Variants in C6 observed in about 807,000 individuals in gnomAD.
C6 encodes the protein complement C6, also known as complement component C6.
In C6, 101 loss-of-function variants were observed where a neutral mutation model predicts 112.9. That is an observed-to-expected ratio of 0.89 (90% CI 0.76 to 1.06). The LOEUF (loss-of-function observed/expected upper bound fraction) is 1.06, where lower values mean the gene tolerates loss of function less well. C6 is among the 50% of genes least tolerant of loss of function. The pLI is 0.00. For synonymous variants in C6, 431 were observed against 384.1 expected, an observed-to-expected ratio of 1.12 and a Z score of -1.43; for missense variants, 1,202 against 1,104.6, an observed-to-expected ratio of 1.09 and a Z score of -1.25.
At chr5:41,150,547 G>T (rs1746289165) in intron 15 of C6, among the ~76,000 whole-genome samples, 1 of 152,112 alleles carries the variant, frequency 6.6e-6, no homozygotes, top group Non-Finnish European at 1.5e-5. Context: ...AATGAAGAAA[G>T]GTGAGGCTGT....
intron 15 of C6, 147 bp from the exon 16 acceptor site, chr5:41,150,172 T>G: frequency 1.5e-6 from 1 of 663,408 alleles, no homozygotes; most frequent in South Asian, 1.6e-5. Context: ...AAATACATTG[T>G]CATTAAATAT....
intron 9 of C6, among the ~76,000 whole-genome samples, chr5:41,166,973 CT>C (rs1748030031): frequency 6.6e-6 from 1 of 152,054 alleles, no homozygotes; most frequent in Non-Finnish European, 1.5e-5. Context: ...GTTCTCATTG[CT>C]TCATCTTTGC....
intron 4 of C6, among the ~76,000 whole-genome samples, chr5:41,197,680 T>TA (rs1750714205): frequency 6.6e-6 from 1 of 152,078 alleles, no homozygotes. Flanking sequence ...AGGGATATCT[T>TA]AGAGAGTCCA....
chr5:41,148,233 A>G (rs529500402), intron 17 of C6, among the ~76,000 whole-genome samples: 7 of 152,320 alleles, frequency 4.6e-5, no homozygotes, highest in Admixed American at 3.3e-4. Context: ...GGTTAAATAA[A>G]TCATAGAATA....
At chr5:41,163,212 T>C (rs898749578) in intron 9 of C6, among the ~76,000 whole-genome samples, 5 of 151,382 alleles carry the variant, frequency 3.3e-5, no homozygotes, top group Admixed American at 6.6e-5. Flanking sequence ...ACTTATACAA[T>C]CTTCTCAGAA....
chr5:41,159,992 G>GACTCAC, intron 11 of C6, 150 bp downstream of exon 11: 2 of 687,022 alleles, frequency 2.9e-6, no homozygotes, highest in Middle Eastern at 3.9e-4. Context: ...TTACAGCTGA[G>GACTCAC]ACTCACACTT....
chr5:41,228,420 C>T (rs1175520851), intron 1 of C6, among the ~76,000 whole-genome samples: 1 of 152,020 alleles, frequency 6.6e-6, no homozygotes, highest in East Asian at 1.9e-4. Flanking sequence ...AGACAGTTTA[C>T]CTTCCTTTCC....
At chr5:41,206,403 A>G (rs997283473) in intron 1 of C6, among the ~76,000 whole-genome samples, 1 of 152,248 alleles carries the variant, frequency 6.6e-6, no homozygotes, top group Non-Finnish European at 1.5e-5. Flanking sequence ...AAGGCTTCAG[A>G]CGATTGGTAA....
At chr5:41,229,004 A>C (rs1377670793) in intron 1 of C6, among the ~76,000 whole-genome samples, 3 of 152,020 alleles carry the variant, frequency 2.0e-5, no homozygotes, top group African/African-American at 7.2e-5. Flanking sequence ...CTAGCTATTT[A>C]TTTGGGAGGC....
intron 17 of C6, among the ~76,000 whole-genome samples, chr5:41,146,152 G>T (rs183686355): frequency 4.6e-5 from 7 of 152,280 alleles, no homozygotes; most frequent in African/African-American, 9.6e-5. Flanking sequence ...GCTGCTAAAT[G>T]GATGTTGGCT....
chr5:41,222,591 T>C (rs573476847), intron 1 of C6, among the ~76,000 whole-genome samples: 1 of 152,144 alleles, frequency 6.6e-6, no homozygotes, highest in East Asian at 1.9e-4. Flanking sequence ...GTTTGAAGAG[T>C]TAATTTAAAC....
chr5:41,243,402 T>C (rs1740845517), intron 1 of C6, among the ~76,000 whole-genome samples: 1 of 152,250 alleles, frequency 6.6e-6, no homozygotes, highest in Non-Finnish European at 1.5e-5. Flanking sequence ...AATAATTGTT[T>C]ACTTAGTGAT....
intron 1 of C6, among the ~76,000 whole-genome samples, chr5:41,227,357 C>T (rs1027161584): frequency 2.6e-5 from 4 of 151,826 alleles, no homozygotes; most frequent in African/African-American, 9.7e-5. Flanking sequence ...CATATAAACT[C>T]TTCATCAGAC....
intron 17 of C6, among the ~76,000 whole-genome samples, chr5:41,146,921 C>T (rs556389873): frequency 4.6e-4 from 67 of 144,834 alleles, no homozygotes; most frequent in African/African-American, 1.6e-3. Context: ...GGGAAGATAG[C>T]AAAAAAAAAA....
Position 41,176,486 on chromosome 5 carries a change from A to C in C6, c.1157T>G (p.Leu386Arg). 1 of 1,613,426 alleles carries C rather than the reference A, an allele frequency of 6.2e-7. No homozygotes were observed. The highest frequency in any genetic ancestry group is 8.5e-7 in the Non-Finnish European group (1 of 1,179,498). The change falls in exon 8 of 18, where the codon CTA (leucine) becomes CGA (arginine). Residue 386 changes from leucine to arginine, a missense_variant. Transcript: ENST00000337836. ...CTGAAGAAAGTTACCTGAGTTCTTT[A>C]GTTCCTCACTGCTAAACTGATAGAG... ...DLLYQFSSEE[L>R]KNSGLTEEEA...
chr5:41,258,612 G>C (rs1741858289), intron 1 of C6, among the ~76,000 whole-genome samples: 1 of 152,160 alleles, frequency 6.6e-6, no homozygotes, highest in Non-Finnish European at 1.5e-5. Flanking sequence ...GTCTTAGAGG[G>C]AAAGACCTGT....
Position 41,201,674 on chromosome 5 carries a change from C to A in C6, c.184G>T (p.Glu62Ter), listed in dbSNP as rs1200413462. 3 of 1,613,514 alleles carry A rather than the reference C, an allele frequency of 1.9e-6. No homozygotes were observed. The highest frequency in any genetic ancestry group is 2.5e-6 in the Non-Finnish European group (3 of 1,179,876). The change falls in exon 3 of 18, where the codon GAA becomes TAA. Residue 62 changes from glutamate (E) to a stop codon, truncating the protein, a stop_gained. Transcript: ENST00000337836. LOFTEE classifies it high-confidence loss of function. ...VDKYYQENFC[E>*]QICSKQETRE... ...GTCTCCTGCTTGCTGCAAATCTGTT[C>A]ACAAAAGTTTTCCTGGTAGTACTTA...
Position 41,173,151 on chromosome 5 carries a change from T to C in C6, c.1169-804A>G, listed in dbSNP as rs372129717. Among the ~76,000 whole-genome samples, 13 of 152,332 alleles carry C rather than the reference T, an allele frequency of 8.5e-5. No individual in the cohort carries two copies. In the East Asian group the frequency reaches 1.5e-3, roughly 18 times the overall value. On this transcript the variant is annotated intron_variant, in intron 8 of 17. Transcript: ENST00000337836. Reference sequence around the variant, plus strand: ...ATGGGAATTGGGAATGATATCTTCCTAGTTTCTCACTGCTGCTTTCATTGG... The same window carrying C: ...ATGGGAATTGGGAATGATATCTTCCCAGTTTCTCACTGCTGCTTTCATTGG...
In C6 at chr5:41,176,568, C is replaced by T. The variant is rs373781885; in HGVS notation, c.1075G>A (p.Asp359Asn). 9.0e-5 allele frequency: 146 copies of T among 1,613,840 alleles called. No individual in the cohort carries two copies. Among genetic ancestry groups the T allele is most frequent in the Admixed American group, 7.5e-4 (45 of 60,004 alleles). Residue 359 changes from aspartate (D) to asparagine (N), a missense_variant, in exon 8 of 18, where the codon GAT (aspartate) becomes AAT (asparagine). Coordinates refer to ENST00000337836, the MANE Select transcript of C6 (RefSeq NM_000065.5). ...YNSALYSRIFDDFGTHYFTSG... is the reference protein window; with the variant it reads ...YNSALYSRIFNDFGTHYFTSG... Reference sequence around the variant, plus strand: ...GTGAAGTAATGAGTCCCAAAGTCATCGAATATTCGGCTGTACAAAGCAGAG... The same window carrying T: ...GTGAAGTAATGAGTCCCAAAGTCATTGAATATTCGGCTGTACAAAGCAGAG...
Sources: allele counts gnomAD v4.1 joint callset (sites outside exome capture counted in the v4.1 genomes callset), GRCh38; gene constraint gnomAD v4.1.1; transcripts MANE v1.5; gene names NCBI Gene and HGNC (gene_info 2026-07-23, HGNC 2026-07-21).